Variants in TMED3 observed in about 807,000 individuals in gnomAD.
TMED3 encodes transmembrane emp24 domain-containing protein 3.
In TMED3, 9 loss-of-function variants were observed where a neutral mutation model predicts 15.0. The ratio of observed to expected loss-of-function variants is 0.60; its 90% CI spans 0.36 to 1.04. TMED3 has a LOEUF of 1.04. TMED3 is among the 50% of genes least tolerant of loss of function. The probability of loss-of-function intolerance (pLI) is 0.01; values close to 1 mark genes in which losing one functional copy is unlikely to be tolerated. For missense variants in TMED3, 267 were observed against 278.9 expected, an observed-to-expected ratio of 0.96 and a Z score of 0.30; for synonymous variants, 117 against 121.4, an observed-to-expected ratio of 0.96 and a Z score of 0.24.
At chr15:79,383,264 T>C in intron 2 of TMED3, 1 of 548,728 alleles carries the variant, frequency 1.8e-6, no homozygotes, top group Non-Finnish European at 3.3e-6. Flanking sequence ...TATCTTGTTT[T>C]GGAAAATGTC....
chr15:79,341,758 G>A (rs972981377), intron 2 of TMED3, among the ~76,000 whole-genome samples: 4 of 152,192 alleles, frequency 2.6e-5, no homozygotes, highest in African/African-American at 2.4e-5. Context: ...AGGAAGGACC[G>A]CATGATCTCT....
intron 2 of TMED3, among the ~76,000 whole-genome samples, chr15:79,349,086 C>T (rs2058881836): frequency 1.3e-5 from 2 of 152,292 alleles, no homozygotes; most frequent in South Asian, 4.1e-4. Flanking sequence ...GATCCACCCA[C>T]CTCTGCCTTC....
intron 2 of TMED3, among the ~76,000 whole-genome samples, chr15:79,361,969 T>C (rs1369636959): frequency 6.6e-6 from 1 of 152,118 alleles, no homozygotes; most frequent in Admixed American, 6.5e-5. Flanking sequence ...ATCACAGGAA[T>C]TCCCAAAACT....
At chr15:79,394,331 A>C (rs990708582) in intron 2 of TMED3, among the ~76,000 whole-genome samples, 1 of 152,140 alleles carries the variant, frequency 6.6e-6, no homozygotes, top group Non-Finnish European at 1.5e-5. Flanking sequence ...CAGAACGCCC[A>C]CCATTCCCAT....
intron 2 of TMED3, among the ~76,000 whole-genome samples, chr15:79,405,877 C>T (rs1012422352): frequency 2.0e-5 from 3 of 152,192 alleles, no homozygotes; most frequent in African/African-American, 4.8e-5. Flanking sequence ...TACTCCTGTC[C>T]TTCCCACAGA....
intron 2 of TMED3, among the ~76,000 whole-genome samples, chr15:79,317,396 T>C (rs1190293331): frequency 3.9e-5 from 6 of 152,248 alleles, no homozygotes; most frequent in Non-Finnish European, 2.9e-5. Flanking sequence ...CTGGAGATGC[T>C]GACCAGTACT....
intron 2 of TMED3, among the ~76,000 whole-genome samples, chr15:79,350,848 A>G (rs1183358076): frequency 1.3e-5 from 2 of 152,200 alleles, no homozygotes; most frequent in East Asian, 1.9e-4. Flanking sequence ...GTCAGACTTC[A>G]CTGATCTCAG....
intron 2 of TMED3, among the ~76,000 whole-genome samples, chr15:79,370,170 A>C (rs2141244790): frequency 6.6e-6 from 1 of 151,434 alleles, no homozygotes; most frequent in African/African-American, 2.4e-5. Context: ...GGCTCACTGC[A>C]ACCTCCACCT....
intron 2 of TMED3, chr15:79,383,115 A>G: frequency 8.2e-7 from 1 of 1,224,676 alleles, no homozygotes; most frequent in Non-Finnish European, 1.2e-6. Flanking sequence ...AGGTACCCAC[A>G]GCTTTACTGC....
chr15:79,346,677 C>T (rs529540576), intron 2 of TMED3, among the ~76,000 whole-genome samples: 134 of 152,234 alleles, frequency 8.8e-4, no homozygotes, highest in African/African-American at 3.1e-3. Flanking sequence ...TTTATTCCAT[C>T]TTGAATTGAT....
In TMED3 at chr15:79,319,046, T is replaced by C. The variant is rs147772498; in HGVS notation, c.418-2932T>C. Reference sequence around the variant, plus strand: ...AAAGATGATATGTAGCCCAAAATAATAGAGGATAGAGGATGTCACTGAGAA... The same window carrying C: ...AAAGATGATATGTAGCCCAAAATAACAGAGGATAGAGGATGTCACTGAGAA... On this transcript the variant is annotated intron_variant, in intron 2 of 2. Transcript: ENST00000299705. Among the ~76,000 whole-genome samples the C allele has an allele frequency of 2.4e-4, 36 of 152,256 alleles. No individual in the cohort carries two copies. In the East Asian group the frequency reaches 6.9e-3, roughly 29 times the overall value.
intron 2 of TMED3, among the ~76,000 whole-genome samples, chr15:79,355,738 C>T (rs2058916354): frequency 6.6e-6 from 1 of 152,168 alleles, no homozygotes; most frequent in Non-Finnish European, 1.5e-5. Flanking sequence ...AGGTGTGAGC[C>T]ATCAGGAAAC....
intron 2 of TMED3, among the ~76,000 whole-genome samples, chr15:79,399,643 A>T (rs929921907): frequency 6.6e-6 from 1 of 152,186 alleles, no homozygotes; most frequent in African/African-American, 2.4e-5. Context: ...GGTTTTAAGC[A>T]AGGGAGAGAC....
At chr15:79,352,873 T>A (rs1466370821) in intron 2 of TMED3, among the ~76,000 whole-genome samples, 3 of 107,232 alleles carry the variant, frequency 2.8e-5, no homozygotes, top group Non-Finnish European at 5.5e-5. Flanking sequence ...TATACATATA[T>A]AAAATATACA....
intron 2 of TMED3, among the ~76,000 whole-genome samples, chr15:79,384,909 T>A (rs1030399730): frequency 1.3e-5 from 2 of 152,122 alleles, no homozygotes; most frequent in South Asian, 4.1e-4. Context: ...GCAGCTGCAG[T>A]CCGTGGCATT....
chr15:79,314,145 T>C (rs2058730638), intron 2 of TMED3, 140 bp downstream of exon 2: 1 of 1,105,396 alleles, frequency 9.0e-7, no homozygotes, highest in African/African-American at 1.6e-5. Flanking sequence ...TGTCTCTTTC[T>C]TCATACCTAG....
At chr15:79,373,592 A>G (rs1335021476) in intron 2 of TMED3, among the ~76,000 whole-genome samples, 4 of 152,196 alleles carry the variant, frequency 2.6e-5, no homozygotes, top group African/African-American at 9.6e-5. Flanking sequence ...TTCATGGTCT[A>G]TATAGTTGGT....
At chr15:79,383,801 G>C (rs1430295197) in intron 2 of TMED3, 1 of 152,194 alleles carries the variant, frequency 6.6e-6, no homozygotes, top group African/African-American at 2.4e-5. Context: ...TATCTGGCAT[G>C]GCCCAAGGTC....
intron 2 of TMED3, among the ~76,000 whole-genome samples, chr15:79,364,260 A>C (rs983420228): frequency 6.6e-6 from 1 of 152,192 alleles, no homozygotes; most frequent in African/African-American, 2.4e-5. Context: ...CCCAGTGTGC[A>C]TGTGGGCTCT....
Sources: gnomAD v4.1 joint callset for allele counts (sites outside exome capture counted in the v4.1 genomes callset) on GRCh38, gnomAD v4.1.1 for gene constraint, MANE v1.5 for transcripts, NCBI Gene and HGNC (gene_info 2026-07-23, HGNC 2026-07-21) for gene names.